EPB41L3: variants seen among roughly 807,000 people sequenced by gnomAD.
EPB41L3 encodes erythrocyte membrane protein band 4.1 like 3, also known as band 4.1-like protein 3.
EPB41L3 carries 57 observed loss-of-function variants against 127.1 expected under a neutral mutation model. The observed-to-expected ratio is 0.45, with a 90% CI of 0.36 to 0.56. The LOEUF (loss-of-function observed/expected upper bound fraction) is 0.56, where lower values mean the gene tolerates loss of function less well. Among genes scored for constraint, EPB41L3 ranks in the 20% least tolerant of loss-of-function variants. The pLI, the probability that EPB41L3 is intolerant of heterozygous loss-of-function variation, is 0.00. For synonymous variants in EPB41L3, 572 were observed against 549.5 expected, an observed-to-expected ratio of 1.04 and a Z score of -0.57; for missense variants, 1,273 against 1,372.2, an observed-to-expected ratio of 0.93 and a Z score of 1.14.
At position 5,401,838 on chromosome 18, in the gene EPB41L3, C is replaced by T. The variant is rs1210183880; in HGVS notation, c.2350-3695G>A. On this transcript the variant is annotated intron_variant, in intron 16 of 22. Transcript: ENST00000341928. ...AGGTGGCAATACATTAGCTACCAAG[C>T]CTAAGTTGAACCAAGCGTTCAACTT... 3.9e-5 allele frequency among the ~76,000 whole-genome samples: 6 copies of T among 151,924 alleles called. No individual in the cohort carries two copies. In the East Asian group the frequency reaches 9.6e-4, roughly 24 times the overall value.
intron 1 of EPB41L3, among the ~76,000 whole-genome samples, chr18:5,496,537 A>C (rs1412808639): frequency 1.3e-5 from 2 of 152,250 alleles, no homozygotes; most frequent in Non-Finnish European, 2.9e-5. Flanking sequence ...AGGGAGTGGC[A>C]GAAGAACCAA....
rs916814371 is a variant in EPB41L3 at position 5,407,746 on chromosome 18, T to C, written c.2122-10A>G. 6.2e-7 allele frequency: 1 copy of C among 1,613,954 alleles called. No individual in the cohort carries two copies. The highest frequency in any genetic ancestry group is 8.5e-7 in the Non-Finnish European group (1 of 1,179,860). Reference sequence around the variant, plus strand: ...CTTCCTCCTGGTCCGACTGCCAGCATCAAGAAAGAGTGGGAAATAAAGTCT... The same window carrying C: ...CTTCCTCCTGGTCCGACTGCCAGCACCAAGAAAGAGTGGGAAATAAAGTCT... On this transcript the variant is annotated splice_polypyrimidine_tract_variant and intron_variant, in intron 14 of 22. Transcript: ENST00000341928.
At chr18:5,554,876 A>AT (rs1192278755) in intron 3 of EPB41L3, among the ~76,000 whole-genome samples, 5 of 152,220 alleles carry the variant, frequency 3.3e-5, no homozygotes, top group African/African-American at 1.2e-4. Context: ...GGCTAACATT[A>AT]TTTCTCATAT....
chr18:5,513,991 G>GATTACTTTTT (rs1342359497), intron 1 of EPB41L3, among the ~76,000 whole-genome samples: 1 of 152,158 alleles, frequency 6.6e-6, no homozygotes, highest in African/African-American at 2.4e-5. Flanking sequence ...AATTAAAAAA[G>GATTACTTTTT]TAATAATGAC....
intron 1 of EPB41L3, among the ~76,000 whole-genome samples, chr18:5,622,555 C>G (rs924879959): frequency 6.6e-6 from 1 of 152,182 alleles, no homozygotes; most frequent in Non-Finnish European, 1.5e-5. Context: ...CATGTTTATT[C>G]TGCTCTTTAG....
At chr18:5,534,256 T>C (rs895267833) in intron 1 of EPB41L3, among the ~76,000 whole-genome samples, 4 of 152,254 alleles carry the variant, frequency 2.6e-5, no homozygotes, top group East Asian at 1.9e-4. Context: ...TCTTCAACCT[T>C]AGTACTATTT....
At chr18:5,476,656 TAA>T (rs375571682) in intron 3 of EPB41L3, among the ~76,000 whole-genome samples, 2 of 152,296 alleles carry the variant, frequency 1.3e-5, no homozygotes, top group African/African-American at 2.4e-5. Context: ...TCCTCAAAGT[TAA>T]GAGGAAAAGT....
At chr18:5,419,040 T>TG (rs1376244988) in intron 12 of EPB41L3, among the ~76,000 whole-genome samples, 1 of 152,228 alleles carries the variant, frequency 6.6e-6, no homozygotes, top group Non-Finnish European at 1.5e-5. Context: ...AAAGTTGCTT[T>TG]GTAGTGCTGG....
intron 3 of EPB41L3, among the ~76,000 whole-genome samples, chr18:5,565,559 C>T (rs898922053): frequency 1.3e-4 from 20 of 150,774 alleles, no homozygotes; most frequent in African/African-American, 4.9e-4. Flanking sequence ...CACCCATTAA[C>T]TCGTCATTTA....
intron 3 of EPB41L3, among the ~76,000 whole-genome samples, chr18:5,602,353 G>A (rs957828117): frequency 1.3e-5 from 2 of 152,184 alleles, no homozygotes; most frequent in Non-Finnish European, 2.9e-5. Context: ...AGCACCTTGT[G>A]CCTACTTGTG....
At chr18:5,405,397 TTG>T (rs765243765) in intron 16 of EPB41L3, among the ~76,000 whole-genome samples, 1 of 152,184 alleles carries the variant, frequency 6.6e-6, no homozygotes, top group African/African-American at 2.4e-5. Context: ...AAAACTACTT[TTG>T]TTGAAACAGA....
intron 3 of EPB41L3, among the ~76,000 whole-genome samples, chr18:5,459,677 GAAATTAT>G (rs2083651742): frequency 6.6e-6 from 1 of 152,144 alleles, no homozygotes; most frequent in Non-Finnish European, 1.5e-5. Context: ...AATAAATTCA[GAAATTAT>G]ATATTCCTGG....
chr18:5,526,696 G>A (rs992434471), intron 1 of EPB41L3, among the ~76,000 whole-genome samples: 22 of 152,092 alleles, frequency 1.4e-4, no homozygotes, highest in African/African-American at 5.1e-4. Context: ...AGCCAGCAAT[G>A]GAAGCTTTCT....
At chr18:5,629,892 G>C (rs148470805), upstream of EPB41L3, among the ~76,000 whole-genome samples, 4 of 152,132 alleles carry the variant, frequency 2.6e-5, no homozygotes, top group Non-Finnish European at 4.4e-5. Context: ...ACAGAGTCTC[G>C]GAATAGGCTA....
intron 9 of EPB41L3, among the ~76,000 whole-genome samples, chr18:5,427,445 G>T (rs866421926): frequency 6.6e-6 from 1 of 152,202 alleles, no homozygotes. Context: ...CATGGAGGCT[G>T]TTGTCCAAGG....
intron 3 of EPB41L3, among the ~76,000 whole-genome samples, chr18:5,592,177 A>G (rs1038099150): frequency 5.3e-5 from 8 of 152,136 alleles, no homozygotes; most frequent in African/African-American, 1.9e-4. Context: ...TTAAATTTTT[A>G]TTCTTTTGAG....
At chr18:5,407,486 C>T (rs1291906683) in intron 15 of EPB41L3, among the ~76,000 whole-genome samples, 1 of 152,038 alleles carries the variant, frequency 6.6e-6, no homozygotes, top group Admixed American at 6.6e-5. Flanking sequence ...ACCCTTTATT[C>T]GTTTAATCAG....
intron 1 of EPB41L3, among the ~76,000 whole-genome samples, chr18:5,616,187 G>A (rs769857439): frequency 2.2e-4 from 34 of 151,972 alleles, no homozygotes; most frequent in Non-Finnish European, 4.4e-4. Flanking sequence ...CAGCCCGCCC[G>A]TGAATCACTC....
At chr18:5,496,208 C>A (rs2091159680) in intron 1 of EPB41L3, among the ~76,000 whole-genome samples, 1 of 152,176 alleles carries the variant, frequency 6.6e-6, no homozygotes, top group Non-Finnish European at 1.5e-5. Flanking sequence ...GAAAAATCAA[C>A]AAATATAGTT....
Sources: allele counts gnomAD v4.1 joint callset (sites outside exome capture counted in the v4.1 genomes callset), GRCh38; gene constraint gnomAD v4.1.1; transcripts MANE v1.5; gene names NCBI Gene and HGNC (gene_info 2026-07-23, HGNC 2026-07-21).